Variants in DYSF observed in about 807,000 individuals in gnomAD.
DYSF encodes dystrophy-associated fer-1-like 1.
DYSF carries 212 observed loss-of-function variants against 274.9 expected under a neutral mutation model. That is an observed-to-expected ratio of 0.77 (90% CI 0.69 to 0.86). DYSF has a LOEUF of 0.86. DYSF is among the 40% of genes least tolerant of loss of function. The pLI is 0.00. For missense variants in DYSF, 2,666 were observed against 2,783.2 expected, an observed-to-expected ratio of 0.96 and a Z score of 0.95; for synonymous variants, 1,091 against 1,078.7, an observed-to-expected ratio of 1.01 and a Z score of -0.22.
chr2:71,503,006 C>T (rs1302380690), intron 3 of DYSF, among the ~76,000 whole-genome samples: 3 of 152,072 alleles, frequency 2.0e-5, no homozygotes, highest in Admixed American at 1.3e-4. Context: ...CCTTCCCATG[C>T]CCAAGTATTT....
At chr2:71,496,478 G>A (rs1449279044) in intron 3 of DYSF, among the ~76,000 whole-genome samples, 2 of 152,162 alleles carry the variant, frequency 1.3e-5, no homozygotes, top group Non-Finnish European at 2.9e-5. Context: ...AACAGGCCTG[G>A]GGACTGGCCA....
chr2:71,489,655 C>T (rs1176528974), intron 3 of DYSF, among the ~76,000 whole-genome samples: 1 of 152,146 alleles, frequency 6.6e-6, no homozygotes, highest in Non-Finnish European at 1.5e-5. Context: ...ACGACAGAGG[C>T]GCCTGGGGAG....
chr2:71,518,693 C>T (rs1462190735), intron 10 of DYSF, among the ~76,000 whole-genome samples: 1 of 152,182 alleles, frequency 6.6e-6, no homozygotes, highest in Non-Finnish European at 1.5e-5. Context: ...CCAAGTATAT[C>T]ATGCCTTCCT....
chr2:71,515,587 C>G (rs374137932), intron 7 of DYSF, 36 bp from the exon 8 acceptor site: 1 of 1,613,884 alleles, frequency 6.2e-7, no homozygotes, highest in East Asian at 2.2e-5. Flanking sequence ...TAACTCTTCC[C>G]CCTTCCTCCT....
chr2:71,465,094 T>G (rs963346876), upstream of DYSF, among the ~76,000 whole-genome samples: 3 of 152,072 alleles, frequency 2.0e-5, no homozygotes, highest in African/African-American at 7.2e-5. Context: ...GAAGGGGATG[T>G]GGGGTCAACG....
At chr2:71,597,260 G>C (rs988810168) in intron 32 of DYSF, among the ~76,000 whole-genome samples, 1 of 152,210 alleles carries the variant, frequency 6.6e-6, no homozygotes, top group African/African-American at 2.4e-5. Flanking sequence ...GGGCTGGACT[G>C]TGGGGCTCAG....
chr2:71,613,371 C>T lies in DYSF; in HGVS notation c.4425C>T (p.Leu1475=), dbSNP rs371231895. The T allele has an allele frequency of 7.4e-6, 12 of 1,613,662 alleles. No homozygotes were observed. Among genetic ancestry groups the T allele is most frequent in the South Asian group, 3.3e-5 (3 of 90,852 alleles). Residue 1475 remains leucine (L), a synonymous_variant, in exon 40 of 56, where the codon CTC becomes CTT. Transcript: ENST00000410020. The stretch of plus-strand genomic sequence containing the variant: ...TACTCAGTCCTGGGGAAGACGTGCT[C>T]ATCGACATTGATGACAAGGAGCCCC... ...VSLLSPGEDV[L]IDIDDKEPLI... is the part of the protein sequence containing the mutation.
At position 71,556,078 on chromosome 2, in the gene DYSF, G is replaced by T; in HGVS notation, c.2216+7G>T. 6.4e-7 allele frequency: 1 copy of T among 1,558,990 alleles called. No individual in the cohort carries two copies. The highest frequency in any genetic ancestry group is 1.2e-5 in the South Asian group (1 of 84,712). On this transcript the variant is annotated splice_region_variant and intron_variant, in intron 22 of 55. Transcript: ENST00000410020. ...AGCTCATCGCAGGCTGCAGGTAGGG[G>T]GGACCTGGCGCCCCTGGTGCCCACC...
At chr2:71,473,580 C>G (rs1328153915) in intron 1 of DYSF, among the ~76,000 whole-genome samples, 1 of 152,142 alleles carries the variant, frequency 6.6e-6, no homozygotes, top group African/African-American at 2.4e-5. Flanking sequence ...CTCTCTGTCC[C>G]CTCTCTAGGA....
intron 24 of DYSF, among the ~76,000 whole-genome samples, chr2:71,565,997 C>G (rs887952385): frequency 1.3e-5 from 2 of 151,802 alleles, no homozygotes; most frequent in Non-Finnish European, 2.9e-5. Flanking sequence ...GTGAGTGTGT[C>G]TGTGTGTGTG....
intron 55 of DYSF, among the ~76,000 whole-genome samples, chr2:71,684,001 A>C (rs569255080): frequency 6.6e-6 from 1 of 152,256 alleles, no homozygotes; most frequent in Non-Finnish European, 1.5e-5. Flanking sequence ...CATCTGGGCC[A>C]TAGTGACTAA....
intron 21 of DYSF, 110 bp downstream of exon 21, chr2:71,554,041 T>C: frequency 6.6e-7 from 1 of 1,525,316 alleles, no homozygotes; most frequent in Middle Eastern, 1.8e-4. Context: ...GACACACGGC[T>C]GTGCCTACTG....
chr2:71,641,963 T>A (rs907672646), intron 41 of DYSF, among the ~76,000 whole-genome samples: 5 of 152,246 alleles, frequency 3.3e-5, no homozygotes, highest in Non-Finnish European at 7.3e-5. Context: ...GTATATCTTC[T>A]GTTTTTAGTG....
chr2:71,539,160 C>T lies in DYSF; in HGVS notation c.1497C>T (p.Asp499=). 4 of 1,614,018 alleles carry T rather than the reference C, an allele frequency of 2.5e-6. No individual in the cohort carries two copies. The highest frequency in any genetic ancestry group is 3.4e-6 in the Non-Finnish European group (4 of 1,179,974). The change falls in exon 17 of 56, where the codon GAC becomes GAT. Residue 499 remains aspartate, a synonymous_variant. Coordinates refer to ENST00000410020, the MANE Select transcript of DYSF (RefSeq NM_001130987.2). ...CCTCTCTGCTCCCTTGCTCTAGGGA[C>T]CGCCTGACTCACAATGACATCGTGG... ...EKMRIRIIDW[D]RLTHNDIVAT...
chr2:71,516,345 A>G (rs1346191257), intron 9 of DYSF, 103 bp downstream of exon 9: 1 of 1,146,872 alleles, frequency 8.7e-7, no homozygotes, highest in Non-Finnish European at 1.3e-6. Flanking sequence ...TGTGCACGTC[A>G]GTGTGAATGC....
intron 41 of DYSF, among the ~76,000 whole-genome samples, chr2:71,621,047 G>A (rs944418641): frequency 1.9e-4 from 29 of 152,086 alleles, no homozygotes; most frequent in African/African-American, 6.8e-4. Context: ...CTGGCCCCTC[G>A]GGTGCTAAGA....
intron 13 of DYSF, 79 bp downstream of exon 13, chr2:71,526,425 C>T (rs1214282499): frequency 4.7e-5 from 17 of 360,146 alleles, no homozygotes; most frequent in East Asian, 7.1e-5. Flanking sequence ...CGATGGCGGG[C>T]GGGGTCAGCT....
At chr2:71,534,971 C>G (rs753584063) in intron 14 of DYSF, 50 bp from the exon 15 acceptor site, 1 of 1,602,308 alleles carries the variant, frequency 6.2e-7, no homozygotes, top group Admixed American at 1.7e-5. Context: ...CGGGGGAGCC[C>G]AGAGTCCCCA....
intron 4 of DYSF, 127 bp downstream of exon 4, chr2:71,503,446 T>C: frequency 1.0e-6 from 1 of 965,656 alleles, no homozygotes; most frequent in South Asian, 1.3e-5. Context: ...GGCCTGGCCC[T>C]CCCTGACCAG....
Sources: allele counts gnomAD v4.1 joint callset (sites outside exome capture counted in the v4.1 genomes callset), GRCh38; gene constraint gnomAD v4.1.1; transcripts MANE v1.5; gene names NCBI Gene and HGNC (gene_info 2026-07-23, HGNC 2026-07-21).